Variants in NEURL1 observed in about 807,000 individuals in gnomAD.
NEURL1 encodes the protein neuralized E3 ubiquitin protein ligase 1.
Under a neutral mutation model 41.2 loss-of-function variants are expected in NEURL1, and 26 were observed. That is an observed-to-expected ratio of 0.63 (90% confidence interval 0.46 to 0.87). The LOEUF (loss-of-function observed/expected upper bound fraction) is 0.87, where lower values mean the gene tolerates loss of function less well. Ranked by LOEUF, NEURL1 falls within the 40% of genes least tolerant of loss-of-function variation. The probability of loss-of-function intolerance (pLI) is 0.00; values close to 1 mark genes in which losing one functional copy is unlikely to be tolerated. For synonymous variants in NEURL1, 400 were observed against 402.3 expected (o/e 0.99, Z 0.07); for missense variants, 761 against 871.1 (o/e 0.87, Z 1.59).
At chr10:103,549,009 T>G (rs1048542476) in intron 1 of NEURL1, 1 of 152,316 alleles carries the variant, frequency 6.6e-6, no homozygotes, top group Admixed American at 6.5e-5. Flanking sequence ...GGGTGTGGGC[T>G]TTGTCTGGCA....
Position 103,571,195 on chromosome 10 carries a change from C to T in NEURL1, c.327+82C>T, listed in dbSNP as rs530335530. 1.1e-5 allele frequency: 15 copies of T among 1,421,248 alleles called. No homozygotes were observed. In the East Asian group the frequency reaches 1.8e-4, roughly 17 times the overall value. The allele number at this position is 1,421,248 out of a possible 1,614,324, so 88.0% of individuals were successfully genotyped here. On this transcript the variant is annotated intron_variant, in intron 2 of 5. Coordinates refer to ENST00000369780, the MANE Select transcript of NEURL1 (RefSeq NM_004210.5). ...TCCCCTGGGCCTCTGGACTCTGCCCCTCAGCCGCTGCCTGCTGCCACCCCC... is the reference window on the plus strand; with the variant it reads ...TCCCCTGGGCCTCTGGACTCTGCCCTTCAGCCGCTGCCTGCTGCCACCCCC...
chr10:103,539,032 G>C (rs1194252758), intron 1 of NEURL1, among the ~76,000 whole-genome samples: 3 of 147,172 alleles, frequency 2.0e-5, no homozygotes, highest in African/African-American at 7.6e-5. Flanking sequence ...CTGTAGCCTC[G>C]ACCTCCCAGG....
chr10:103,579,383 AG>A (rs1413586769), intron 3 of NEURL1, among the ~76,000 whole-genome samples: 1 of 152,212 alleles, frequency 6.6e-6, no homozygotes, highest in Middle Eastern at 3.2e-3. Flanking sequence ...TTTACTGTAA[AG>A]GAGAGAAGAC....
intron 4 of NEURL1, among the ~76,000 whole-genome samples, chr10:103,585,712 T>A (rs1458924021): frequency 6.6e-6 from 1 of 151,562 alleles, no homozygotes; most frequent in African/African-American, 2.4e-5. Flanking sequence ...TGGGCGCCTG[T>A]AGTCCCAGCT....
chr10:103,520,370 C>T (rs1314550863), intron 1 of NEURL1, among the ~76,000 whole-genome samples: 1 of 151,978 alleles, frequency 6.6e-6, no homozygotes, highest in Admixed American at 6.6e-5. Context: ...TGGAAAATTA[C>T]AGTCAAGGGG....
rs1010987534 is a variant in NEURL1, at chr10:103,571,515, G to T, written c.342G>T (p.Gln114His). 26 of 1,605,298 alleles carry T rather than the reference G, an allele frequency of 1.6e-5. No homozygotes were observed. Among genetic ancestry groups the T allele is most frequent in the Non-Finnish European group, 2.1e-5 (25 of 1,179,378 alleles). ...CTGCCACCCAGATCACCAAGAAGCA[G>T]TGCTGCTGGAGCGGGGCCCTGCGGC... ...EQVRLKITKK[Q>H]CCWSGALRLG... Residue 114 changes from glutamine (Q) to histidine (H), a missense_variant, in exon 3 of 6, where the codon CAG becomes CAT. Gln to His is a conservative substitution (Grantham distance 24). Around this residue, in one of 5 missense-constraint regions of NEURL1, gnomAD observed 65 missense variants for 131.6 expected, o/e 0.49. Coordinates refer to ENST00000369780, the MANE Select transcript of NEURL1 (RefSeq NM_004210.5).
chr10:103,579,787 C>T (rs1404779850), intron 3 of NEURL1, among the ~76,000 whole-genome samples: 1 of 151,938 alleles, frequency 6.6e-6, no homozygotes, highest in Non-Finnish European at 1.5e-5. Context: ...ACAAAAAATA[C>T]AAAAATTAGC....
chr10:103,554,585 C>T (rs1334052342), intron 1 of NEURL1, among the ~76,000 whole-genome samples: 2 of 152,162 alleles, frequency 1.3e-5, no homozygotes, highest in Non-Finnish European at 2.9e-5. Context: ...GGTGAGCAGC[C>T]TCTCTTTGTC....
intron 1 of NEURL1, among the ~76,000 whole-genome samples, chr10:103,569,208 G>A (rs2035487044): frequency 2.0e-5 from 3 of 152,236 alleles, no homozygotes; most frequent in Admixed American, 1.3e-4. Flanking sequence ...GGGAATGGAA[G>A]CCCTGCAGTT....
chr10:103,580,818 G>A (rs1327346764), intron 3 of NEURL1, among the ~76,000 whole-genome samples: 1 of 152,164 alleles, frequency 6.6e-6, no homozygotes, highest in Non-Finnish European at 1.5e-5. Context: ...AAGATTTCAA[G>A]CAAGGCTAAA....
intron 3 of NEURL1, chr10:103,577,858 A>G (rs2035698519): frequency 6.6e-6 from 1 of 152,128 alleles, no homozygotes; most frequent in Non-Finnish European, 1.5e-5. Flanking sequence ...ATTCCTGTGC[A>G]CTCTAGTTTT....
chr10:103,574,120 G>A (rs1200663890), intron 3 of NEURL1, among the ~76,000 whole-genome samples: 1 of 152,214 alleles, frequency 6.6e-6, no homozygotes, highest in African/African-American at 2.4e-5. Context: ...GGGACGAATG[G>A]GAGGGCAGAT....
intron 1 of NEURL1, among the ~76,000 whole-genome samples, chr10:103,549,724 G>C (rs2034995248): frequency 1.3e-5 from 2 of 152,174 alleles, no homozygotes; most frequent in African/African-American, 2.4e-5. Flanking sequence ...TCCTCTTCCT[G>C]GCCTCCCCAG....
chr10:103,565,439 G>A (rs2035400977), intron 1 of NEURL1, among the ~76,000 whole-genome samples: 1 of 152,168 alleles, frequency 6.6e-6, no homozygotes, highest in Non-Finnish European at 1.5e-5. Context: ...CATACCTGGG[G>A]CAGGGAACCC....
intron 1 of NEURL1, among the ~76,000 whole-genome samples, chr10:103,570,413 G>A (rs1032829268): frequency 2.0e-5 from 3 of 152,204 alleles, no homozygotes; most frequent in African/African-American, 7.2e-5. Flanking sequence ...TATGTTTCAT[G>A]TCTGTGTCTC....
Position 103,584,774 on chromosome 10 carries a change from C to T in NEURL1, c.888C>T (p.Phe296=), listed in dbSNP as rs1398897124. Residue 296 remains phenylalanine (F), a synonymous_variant, in exon 4 of 6, where the codon TTC becomes TTT. Coordinates refer to ENST00000369780, the MANE Select transcript of NEURL1 (RefSeq NM_004210.5). The part of the protein sequence containing the change: ...LPAQLDGDLR[F]HALRAGAHVR... ...CGCAGCTCGACGGCGACCTGCGTTT[C>T]CACGCCCTGCGCGCCGGCGCGCACG... 2 of 1,446,812 alleles carry T rather than the reference C, an allele frequency of 1.4e-6. No individual in the cohort carries two copies. The highest frequency in any genetic ancestry group is 2.7e-5 in the Admixed American group (1 of 37,298). The allele number at this position is 1,446,812 out of a possible 1,614,324, so 89.6% of individuals were successfully genotyped here.
At chr10:103,540,892 T>C (rs1230771520) in intron 1 of NEURL1, among the ~76,000 whole-genome samples, 1 of 152,258 alleles carries the variant, frequency 6.6e-6, no homozygotes, top group Non-Finnish European at 1.5e-5. Context: ...TCATTGGTCA[T>C]GGGCCACATC....
intron 1 of NEURL1, among the ~76,000 whole-genome samples, chr10:103,499,744 C>T (rs1249293726): frequency 6.6e-6 from 1 of 152,084 alleles, no homozygotes; most frequent in African/African-American, 2.4e-5. Flanking sequence ...GCTGGGGCCA[C>T]TGTGCTCAGC....
At chr10:103,496,710 G>A (rs1201875882) in intron 1 of NEURL1, among the ~76,000 whole-genome samples, 2 of 152,104 alleles carry the variant, frequency 1.3e-5, no homozygotes, top group East Asian at 3.8e-4. Context: ...GAATAATGAG[G>A]GAAAAGAATA....
Sources: allele counts gnomAD v4.1 joint callset (sites outside exome capture counted in the v4.1 genomes callset), GRCh38; gene constraint gnomAD v4.1.1; regional missense constraint gnomAD v4.1.1; transcripts MANE v1.5; gene names NCBI Gene and HGNC (gene_info 2026-07-23, HGNC 2026-07-21).